Variants in ZNF536 observed in about 807,000 individuals in gnomAD.
ZNF536 encodes zinc finger protein 536.
In ZNF536, 13 loss-of-function variants were observed where a neutral mutation model predicts 84.5. The observed-to-expected ratio is 0.15, with a 90% CI of 0.10 to 0.24. ZNF536 has a LOEUF of 0.24. Among genes scored for constraint, ZNF536 ranks in the 10% least tolerant of loss-of-function variants. The pLI is 1.00. For synonymous variants in ZNF536, 811 were observed against 742.5 expected (o/e 1.09, Z -1.50); for missense variants, 1,536 against 1,747.5 (o/e 0.88, Z 2.16).
intron 1 of ZNF536, among the ~76,000 whole-genome samples, chr19:30,706,362 G>C (rs188278432): frequency 6.6e-6 from 1 of 151,772 alleles, no homozygotes; most frequent in Non-Finnish European, 1.5e-5. Flanking sequence ...TGGCGGGTGC[G>C]TGTAGTCCCA....
intron 1 of ZNF536, among the ~76,000 whole-genome samples, chr19:30,645,164 T>C (rs2049417707): frequency 6.6e-6 from 1 of 152,246 alleles, no homozygotes; most frequent in Non-Finnish European, 1.5e-5. Flanking sequence ...CATAAATGTC[T>C]TCTTTTGAGA....
At chr19:30,299,443 G>A (rs895899036) in intron 2 of ZNF536, among the ~76,000 whole-genome samples, 3 of 152,286 alleles carry the variant, frequency 2.0e-5, no homozygotes, top group South Asian at 2.1e-4. Flanking sequence ...CAAATCCATT[G>A]TGAATGAGAG....
intron 2 of ZNF536, among the ~76,000 whole-genome samples, chr19:30,498,916 G>C (rs1234259014): frequency 6.6e-6 from 1 of 152,148 alleles, no homozygotes; most frequent in Non-Finnish European, 1.5e-5. Flanking sequence ...GTTCCAGCCC[G>C]TGCGATCCTG....
At chr19:30,543,456 C>G (rs1438614787) in intron 3 of ZNF536, among the ~76,000 whole-genome samples, 1 of 152,200 alleles carries the variant, frequency 6.6e-6, no homozygotes, top group Non-Finnish European at 1.5e-5. Context: ...CCAGGCAATG[C>G]AGACCTGAGT....
intron 1 of ZNF536, among the ~76,000 whole-genome samples, chr19:30,239,728 C>T (rs1005739074): frequency 6.6e-6 from 1 of 152,196 alleles, no homozygotes; most frequent in Non-Finnish European, 1.5e-5. Flanking sequence ...TGCTTCTTCC[C>T]ATGCTCAATA....
intron 1 of ZNF536, among the ~76,000 whole-genome samples, chr19:30,433,200 C>T (rs191383390): frequency 3.5e-4 from 54 of 152,298 alleles, no homozygotes; most frequent in African/African-American, 1.2e-3. Flanking sequence ...AAGGCTCGGC[C>T]AAGGCCTGTC....
At chr19:30,431,964 A>C (rs1301787552) in intron 1 of ZNF536, among the ~76,000 whole-genome samples, 1 of 150,846 alleles carries the variant, frequency 6.6e-6, no homozygotes, top group Non-Finnish European at 1.5e-5. Flanking sequence ...TTGCATTATT[A>C]TGTTAAAGAT....
rs769745400 is a variant in ZNF536 at position 30,548,591 on chromosome 19, C to T, written c.2972C>T (p.Ser991Leu). Residue 991 changes from serine (S) to leucine (L), a missense_variant, in exon 4 of 5, where the codon TCG becomes TTG. By Grantham distance (145) the Ser-to-Leu change is moderately radical. Around this residue, in one of 8 missense-constraint regions of ZNF536, gnomAD observed 624 missense variants for 603.1 expected, o/e 1.03. Transcript: ENST00000355537. ...RPDAASLPGS[S>L]VTVQDSIAWH... ...GATGCCGCCTCCCTCCCGGGCTCCT[C>T]GGTAACTGTGCAGGACAGCATTGCA... 12 of 1,614,020 alleles carry T rather than the reference C, an allele frequency of 7.4e-6. No homozygotes were observed. Among genetic ancestry groups the T allele is most frequent in the South Asian group, 4.4e-5 (4 of 91,090 alleles).
chr19:30,619,182 C>A (rs2048399158), intron 1 of ZNF536, among the ~76,000 whole-genome samples: 1 of 151,850 alleles, frequency 6.6e-6, no homozygotes, highest in Non-Finnish European at 1.5e-5. Flanking sequence ...ATGTTGAATT[C>A]TGTTTGTCTT....
intron 1 of ZNF536, among the ~76,000 whole-genome samples, chr19:30,408,971 ATCAT>A (rs886479010): frequency 2.0e-5 from 3 of 149,554 alleles, no homozygotes; most frequent in South Asian, 2.1e-4. Context: ...CCACAAATCC[ATCAT>A]TCATTCATTC....
chr19:30,632,638 CCAAT>C (rs1279150250), intron 1 of ZNF536, among the ~76,000 whole-genome samples: 4 of 112,360 alleles, frequency 3.6e-5, no homozygotes, highest in African/African-American at 6.7e-5. Context: ...AACCAACCAA[CCAAT>C]CAACCAACAA....
At chr19:30,670,067 G>A (rs1395520736) in intron 1 of ZNF536, among the ~76,000 whole-genome samples, 4 of 152,210 alleles carry the variant, frequency 2.6e-5, no homozygotes, top group African/African-American at 7.2e-5. Context: ...GGGCGGGCCC[G>A]GGACTCACGG....
In ZNF536 at chr19:30,699,149, C is replaced by A. The variant is rs113226796; in HGVS notation, c.170-11608C>A. On this transcript the variant is annotated intron_variant, in intron 1 of 1. Coordinates refer to the ZNF536 transcript ENST00000592773. Reference sequence around the variant, plus strand: ...CTTTCTTACTTTCTAGCACTAAATACCCCGGGATTATTTTGGTGTATTTCC... The same window carrying A: ...CTTTCTTACTTTCTAGCACTAAATAACCCGGGATTATTTTGGTGTATTTCC... 5.2e-3 allele frequency among the ~76,000 whole-genome samples: 792 copies of A among 152,182 alleles called. 11 individuals are homozygous for A. Among genetic ancestry groups the A allele is most frequent in the African/African-American group, 0.018 (755 of 41,514 alleles).
intron 1 of ZNF536, among the ~76,000 whole-genome samples, chr19:30,672,152 A>T (rs2147738307): frequency 6.6e-6 from 1 of 152,382 alleles, no homozygotes; most frequent in African/African-American, 2.4e-5. Flanking sequence ...CTGAACCCAG[A>T]CAGACAGAAA....
chr19:30,608,494 G>A (rs1325476795), intron 1 of ZNF536, among the ~76,000 whole-genome samples: 2 of 152,164 alleles, frequency 1.3e-5, no homozygotes. Flanking sequence ...AGCCTGGACT[G>A]GCCAGGGCTA....
intron 3 of ZNF536, among the ~76,000 whole-genome samples, chr19:30,540,976 G>A (rs905710358): frequency 1.3e-5 from 2 of 152,254 alleles, no homozygotes; most frequent in African/African-American, 2.4e-5. Context: ...GAGGTTAGGG[G>A]TGAGGCATGG....
intron 2 of ZNF536, among the ~76,000 whole-genome samples, chr19:30,470,471 T>A: frequency 1.9e-5 from 1 of 52,066 alleles, no homozygotes; most frequent in East Asian, 1.0e-3. Context: ...TTACATTTAG[T>A]TTTTTTTTTT....
At chr19:30,417,762 A>G (rs2050795335) in intron 1 of ZNF536, among the ~76,000 whole-genome samples, 1 of 151,946 alleles carries the variant, frequency 6.6e-6, no homozygotes. Context: ...TGGGGGTCGG[A>G]ATTTTTGTTT....
rs73924291 is a variant in ZNF536, at chr19:30,285,707, G to T, written c.-120+1566G>T. The stretch of plus-strand genomic sequence containing the variant: ...TCTGACATAGGGTCTTTCACATTTG[G>T]CATTATTGAAATTTTGGACTGGATA... On this transcript the variant is annotated intron_variant, in intron 2 of 5. Coordinates refer to the ZNF536 transcript ENST00000585628. Among the ~76,000 whole-genome samples the T allele has an allele frequency of 9.6e-3, 1,462 of 152,230 alleles. 29 individuals are homozygous for T. The highest frequency in any genetic ancestry group is 0.034 in the African/African-American group (1,396 of 41,510).
Sources: allele counts gnomAD v4.1 joint callset (sites outside exome capture counted in the v4.1 genomes callset), GRCh38; gene constraint gnomAD v4.1.1; regional missense constraint gnomAD v4.1.1; transcripts MANE v1.5; gene names NCBI Gene and HGNC (gene_info 2026-07-23, HGNC 2026-07-21).